Variants in COL5A2 observed in about 807,000 individuals in gnomAD.
COL5A2 encodes the protein collagen type V alpha 2 chain.
A neutral mutation model predicts 208.2 loss-of-function variants in COL5A2; 23 were observed. The ratio of observed to expected loss-of-function variants is 0.11; its 90% CI spans 0.08 to 0.16. The LOEUF is 0.16. Ranked by LOEUF, COL5A2 falls within the 10% of genes least tolerant of loss-of-function variation. The pLI, the probability that COL5A2 is intolerant of heterozygous loss-of-function variation, is 1.00. For synonymous variants in COL5A2, 625 were observed against 628.5 expected (o/e 0.99, Z 0.08); for missense variants, 1,590 against 1,956.4 (o/e 0.81, Z 3.53).
the COL5A2 span, among the ~76,000 whole-genome samples, chr2:189,388,513 A>G: frequency 2.0e-4 from 30 of 152,174 alleles, no homozygotes; most frequent in Non-Finnish European, 4.0e-4. Context: ...CAGGCTGAGC[A>G]CGTACTTGCA....
the COL5A2 span, among the ~76,000 whole-genome samples, chr2:189,239,402 A>C: frequency 1.3e-5 from 2 of 152,048 alleles, no homozygotes; most frequent in African/African-American, 4.8e-5. Flanking sequence ...GTGTAATTCC[A>C]AAAGTCCTTA....
chr2:189,178,140 T>C (rs1257787070), intron 1 of COL5A2, among the ~76,000 whole-genome samples: 3 of 152,098 alleles, frequency 2.0e-5, no homozygotes, highest in Non-Finnish European at 4.4e-5. Flanking sequence ...AACTCAAAAG[T>C]TTTCACCTTT....
chr2:189,333,236 G>A, the COL5A2 span, among the ~76,000 whole-genome samples: 1 of 151,974 alleles, frequency 6.6e-6, no homozygotes, highest in Non-Finnish European at 1.5e-5. Context: ...AACAGAAAAC[G>A]CACTAACAAT....
At chr2:189,169,414 TTTTC>T (rs911142206) in intron 1 of COL5A2, among the ~76,000 whole-genome samples, 7 of 152,166 alleles carry the variant, frequency 4.6e-5, no homozygotes, top group Admixed American at 3.3e-4. Context: ...TGCCTTTTGT[TTTTC>T]TTTCTTTCTT....
At position 189,160,707 on chromosome 2, in the gene COL5A2, TCCTA is replaced by T. The variant is rs1451519928; in HGVS notation, c.97+18797_97+18800del. Among the ~76,000 whole-genome samples, 3 of 152,296 alleles carry T rather than the reference TCCTA, an allele frequency of 2.0e-5. No individual in the cohort carries two copies. The East Asian group carries it at 5.8e-4, about 29-fold the overall frequency. On this transcript the variant is annotated intron_variant, in intron 1 of 53. Coordinates refer to ENST00000374866, the MANE Select transcript of COL5A2 (RefSeq NM_000393.5). ...AATCAAAACTCTAATAATAATGTCT[TCCTA>T]CCTTCCATTCTATGCTCTAAGACAT...
chr2:189,098,656 T>C (rs1380984909), intron 5 of COL5A2, 71 bp downstream of exon 5: 1 of 1,143,562 alleles, frequency 8.7e-7, no homozygotes, highest in Non-Finnish European at 1.3e-6. Context: ...CTCATGGATA[T>C]AATATCTGTA....
chr2:189,429,510 G>A, the COL5A2 span, among the ~76,000 whole-genome samples: 1 of 152,144 alleles, frequency 6.6e-6, no homozygotes, highest in African/African-American at 2.4e-5. Context: ...CACCTTCATT[G>A]CTTATTTCAT....
At chr2:189,171,805 C>T (rs1028938905) in intron 1 of COL5A2, among the ~76,000 whole-genome samples, 5 of 152,106 alleles carry the variant, frequency 3.3e-5, no homozygotes, top group African/African-American at 1.2e-4. Flanking sequence ...ACCCTTAATT[C>T]TAGGTGGCCT....
the COL5A2 span, among the ~76,000 whole-genome samples, chr2:189,436,828 C>A: frequency 1.3e-5 from 2 of 152,140 alleles, no homozygotes; most frequent in South Asian, 4.2e-4. Context: ...TAGAGGGGAA[C>A]AACACACACT....
intron 1 of COL5A2, among the ~76,000 whole-genome samples, chr2:189,173,216 C>T (rs1244350072): frequency 4.0e-5 from 6 of 151,896 alleles, no homozygotes; most frequent in Non-Finnish European, 5.9e-5. Flanking sequence ...TCAGGTGATC[C>T]GCCCACCTCA....
intron 30 of COL5A2, 76 bp from the exon 31 acceptor site, chr2:189,060,859 T>G (rs530505829): frequency 2.0e-6 from 2 of 1,015,312 alleles, no homozygotes; most frequent in Non-Finnish European, 1.6e-6. Flanking sequence ...AGTTTACCTT[T>G]TACAATTCAT....
chr2:189,190,624 A>G (rs1330015731), intron 1 of COL5A2, among the ~76,000 whole-genome samples: 1 of 152,212 alleles, frequency 6.6e-6, no homozygotes, highest in African/African-American at 2.4e-5. Flanking sequence ...ATTCTACTCC[A>G]TTTTTATAAA....
intron 1 of COL5A2, among the ~76,000 whole-genome samples, chr2:189,152,351 G>C (rs912885058): frequency 6.6e-6 from 1 of 152,186 alleles, no homozygotes; most frequent in African/African-American, 2.4e-5. Flanking sequence ...ATACCAAAGA[G>C]TTCTAAATTG....
intron 1 of COL5A2, among the ~76,000 whole-genome samples, chr2:189,145,232 C>G (rs1688014963): frequency 6.6e-6 from 1 of 152,066 alleles, no homozygotes; most frequent in Non-Finnish European, 1.5e-5. Flanking sequence ...GAACTATACT[C>G]CAATAGAAAT....
chr2:189,311,404 C>A, the COL5A2 span: 2,543 of 1,088,106 alleles, frequency 2.3e-3, 8 homozygotes, highest in Non-Finnish European at 3.2e-3. Flanking sequence ...CATCTTCCAG[C>A]AGGCGGCGGT....
chr2:189,349,789 T>C, the COL5A2 span, among the ~76,000 whole-genome samples: 2 of 152,246 alleles, frequency 1.3e-5, no homozygotes, highest in South Asian at 4.1e-4. Flanking sequence ...TTTTTAAAAG[T>C]AGCATCACAA....
chr2:189,322,410 A>G, the COL5A2 span, among the ~76,000 whole-genome samples: 2 of 152,206 alleles, frequency 1.3e-5, no homozygotes, highest in Non-Finnish European at 2.9e-5. Flanking sequence ...GAAAAAATCA[A>G]CAAAACTGAT....
chr2:189,127,536 C>T (rs764521148), intron 1 of COL5A2, among the ~76,000 whole-genome samples: 1 of 151,994 alleles, frequency 6.6e-6, no homozygotes, highest in Admixed American at 6.6e-5. Flanking sequence ...TTCACACCAA[C>T]ACTGAAAACT....
chr2:189,179,656 G>T lies in COL5A2; in HGVS notation c.-52C>A. 6.4e-7 allele frequency: 1 copy of T among 1,559,500 alleles called. No individual in the cohort carries two copies. The highest frequency in any genetic ancestry group is 2.4e-5 in the East Asian group (1 of 42,046). ...CCTGAGAGTGAAAAGTAGATTCTGA[G>T]GTTATTGTAGCACCATGAAGTCAGC... On this transcript the variant is annotated 5_prime_UTR_variant, in exon 1 of 54. Coordinates refer to ENST00000374866, the MANE Select transcript of COL5A2 (RefSeq NM_000393.5).
Sources: gnomAD v4.1 joint callset for allele counts (sites outside exome capture counted in the v4.1 genomes callset) on GRCh38, gnomAD v4.1.1 for gene constraint, MANE v1.5 for transcripts, NCBI Gene and HGNC (gene_info 2026-07-23, HGNC 2026-07-21) for gene names.